Variants in ARHGEF7 observed in about 807,000 individuals in gnomAD.
The protein encoded by ARHGEF7 is Rho guanine nucleotide exchange factor 7, also known as PAK-interacting exchange factor beta.
Under a neutral mutation model 109.8 loss-of-function variants are expected in ARHGEF7, and 33 were observed. That is an observed-to-expected ratio of 0.30 (90% CI 0.23 to 0.40). The LOEUF is 0.40. ARHGEF7 is among the 10% of genes least tolerant of loss of function. The probability of loss-of-function intolerance (pLI) is 1.00; values close to 1 mark genes in which losing one functional copy is unlikely to be tolerated. For synonymous variants in ARHGEF7, 458 were observed against 424.6 expected (o/e 1.08, Z -0.97); for missense variants, 938 against 1,098.5 (o/e 0.85, Z 2.07).
intron 2 of ARHGEF7, among the ~76,000 whole-genome samples, chr13:111,190,087 C>T (rs1178543635): frequency 1.3e-5 from 2 of 152,272 alleles, no homozygotes; most frequent in East Asian, 1.9e-4. Context: ...GTGAAAGGGC[C>T]AGTGGGTTTG....
intron 16 of ARHGEF7, among the ~76,000 whole-genome samples, chr13:111,284,599 C>T (rs556854729): frequency 2.6e-5 from 4 of 152,202 alleles, no homozygotes; most frequent in Non-Finnish European, 4.4e-5. Flanking sequence ...GAAAGGGCAA[C>T]GGAAGGGGTA....
At chr13:111,209,437 A>G (rs1316520211) in intron 3 of ARHGEF7, 2 of 153,232 alleles carry the variant, frequency 1.3e-5, no homozygotes, top group East Asian at 1.9e-4. Flanking sequence ...TCTCTTTTAA[A>G]TAAGAGTCTT....
chr13:111,251,611 T>C (rs2089785317), intron 8 of ARHGEF7, among the ~76,000 whole-genome samples: 1 of 152,258 alleles, frequency 6.6e-6, no homozygotes, highest in African/African-American at 2.4e-5. Context: ...TAAAAGCCAC[T>C]GACTTATAAT....
At chr13:111,126,138 G>T (rs2067541985) in intron 1 of ARHGEF7, among the ~76,000 whole-genome samples, 1 of 152,222 alleles carries the variant, frequency 6.6e-6, no homozygotes, top group Admixed American at 6.5e-5. Flanking sequence ...TCTTCTGGTG[G>T]AAACACATTT....
intron 1 of ARHGEF7, among the ~76,000 whole-genome samples, chr13:111,138,514 C>T (rs975311729): frequency 6.6e-6 from 1 of 152,076 alleles, no homozygotes; most frequent in African/African-American, 2.4e-5. Context: ...GCTGGGCGAA[C>T]GGCTGCTCAT....
At chr13:111,168,945 T>C (rs1045974084) in intron 2 of ARHGEF7, among the ~76,000 whole-genome samples, 7 of 152,228 alleles carry the variant, frequency 4.6e-5, no homozygotes, top group African/African-American at 1.7e-4. Context: ...CCAGAGAGGA[T>C]GCAGACAGCA....
chr13:111,277,301 T>C (rs552830617), intron 12 of ARHGEF7, among the ~76,000 whole-genome samples: 2 of 152,348 alleles, frequency 1.3e-5, no homozygotes, highest in African/African-American at 2.4e-5. Context: ...CAGGATCTTT[T>C]AATCAGTCCG....
Position 111,228,211 on chromosome 13 carries a change from G to A in ARHGEF7, c.671-4994G>A, listed in dbSNP as rs11839593. Among the ~76,000 whole-genome samples, 580 of 152,344 alleles carry A rather than the reference G, an allele frequency of 3.8e-3. 1 individual carries two copies. The highest frequency in any genetic ancestry group is 0.013 in the African/African-American group (551 of 41,580). Reference sequence around the variant, plus strand: ...GTGGCACAGCAGCCAGATGTGCTGCGCAGACTTCATTTGGTTCCTGATTCA... The same window carrying A: ...GTGGCACAGCAGCCAGATGTGCTGCACAGACTTCATTTGGTTCCTGATTCA... On this transcript the variant is annotated intron_variant, in intron 5 of 21. Coordinates refer to ENST00000646102, the MANE Select transcript of ARHGEF7 (RefSeq NM_001354046.2). The surrounding 1 kb of genome is among the most constrained non-coding windows in gnomAD (Gnocchi z 4.6).
intron 5 of ARHGEF7, among the ~76,000 whole-genome samples, chr13:111,226,476 T>G (rs1162676781): frequency 6.6e-6 from 1 of 152,226 alleles, no homozygotes; most frequent in African/African-American, 2.4e-5. Context: ...TTAAGAATTA[T>G]GCTTAACCAA....
intron 2 of ARHGEF7, among the ~76,000 whole-genome samples, chr13:111,192,884 A>G (rs80175503): frequency 0.11 from 16,590 of 152,174 alleles, 1,226 homozygotes; most frequent in Middle Eastern, 0.16. Flanking sequence ...AGGTATCAAC[A>G]CACACCAATA....
At chr13:111,116,024 C>G (rs9555771) in intron 1 of ARHGEF7, among the ~76,000 whole-genome samples, 64,028 of 152,000 alleles carry the variant, frequency 0.42, 16,212 homozygotes, top group East Asian at 0.87. Flanking sequence ...GGGCCGGCCC[C>G]GCTCCCTGGC....
chr13:111,172,993 C>T (rs1277232032), intron 2 of ARHGEF7, among the ~76,000 whole-genome samples: 1 of 152,172 alleles, frequency 6.6e-6, no homozygotes, highest in African/African-American at 2.4e-5. Context: ...GATGCTCAAC[C>T]TGTGTATAGA....
chr13:111,218,736 C>T (rs1162830413), intron 5 of ARHGEF7, among the ~76,000 whole-genome samples: 1 of 152,066 alleles, frequency 6.6e-6, no homozygotes, highest in African/African-American at 2.4e-5. Context: ...ATAGTTCTCC[C>T]TTGTGCGGTC....
In ARHGEF7 at chr13:111,258,290, A is replaced by G. The variant is rs2090677446; in HGVS notation, c.951-9258A>G. Among the ~76,000 whole-genome samples the G allele has an allele frequency of 6.8e-6, 1 of 146,304 alleles. No homozygotes were observed. Among genetic ancestry groups the G allele is most frequent in the South Asian group, 2.2e-4 (1 of 4,462 alleles). On this transcript the variant is annotated intron_variant, in intron 8 of 21. Coordinates refer to ENST00000646102, the MANE Select transcript of ARHGEF7 (RefSeq NM_001354046.2). The surrounding 1 kb of genome is among the most constrained non-coding windows in gnomAD (Gnocchi z 4.4). The stretch of plus-strand genomic sequence containing the variant: ...CACAGGCAGTGCAGCCTGCAGCTCC[A>G]GTGAGACTCCTCCCACAACCACAGG...
At chr13:111,157,561 C>T (rs1891960) in intron 2 of ARHGEF7, among the ~76,000 whole-genome samples, 117,264 of 151,382 alleles carry the variant, frequency 0.77, 46,641 homozygotes, top group South Asian at 0.93. Flanking sequence ...AGCAAAACTC[C>T]GTCTCAAAAA....
At chr13:111,150,367 T>C (rs2153370099) in intron 1 of ARHGEF7, among the ~76,000 whole-genome samples, 1 of 152,362 alleles carries the variant, frequency 6.6e-6, no homozygotes, top group South Asian at 2.1e-4. Context: ...CATCCCTGAC[T>C]ATGCTCCCAT....
At chr13:111,171,881 C>T (rs2077628151) in intron 2 of ARHGEF7, among the ~76,000 whole-genome samples, 1 of 152,146 alleles carries the variant, frequency 6.6e-6, no homozygotes, top group Non-Finnish European at 1.5e-5. Flanking sequence ...AGAGAGAGAC[C>T]TCTGCCCCCG....
At chr13:111,162,292 T>A (rs2076809522) in intron 2 of ARHGEF7, among the ~76,000 whole-genome samples, 1 of 152,238 alleles carries the variant, frequency 6.6e-6, no homozygotes, top group African/African-American at 2.4e-5. Flanking sequence ...CTGGGGAGAT[T>A]GCAAACTAAA....
intron 9 of ARHGEF7, among the ~76,000 whole-genome samples, chr13:111,271,411 C>T (rs957937602): frequency 6.6e-6 from 1 of 152,192 alleles, no homozygotes; most frequent in African/African-American, 2.4e-5. Context: ...GATAGGAACA[C>T]ATGCGGTGTG....
Sources: allele counts gnomAD v4.1 joint callset (sites outside exome capture counted in the v4.1 genomes callset), GRCh38; gene constraint gnomAD v4.1.1; non-coding constraint Gnocchi (gnomAD v3.1); transcripts MANE v1.5; gene names NCBI Gene and HGNC (gene_info 2026-07-23, HGNC 2026-07-21).